The following ILDR2 variants were observed in gnomAD, a reference collection of about 807,000 sequenced individuals.
ILDR2 encodes immunoglobulin like domain containing receptor 2, also known as immunoglobulin-like domain-containing receptor 2.
ILDR2 carries 25 observed loss-of-function variants against 66.8 expected under a neutral mutation model. The observed-to-expected ratio is 0.37, with a 90% CI of 0.27 to 0.52. The LOEUF is 0.52. Among genes scored for constraint, ILDR2 ranks in the 20% least tolerant of loss-of-function variants. The probability of loss-of-function intolerance (pLI) is 0.88; values close to 1 mark genes in which losing one functional copy is unlikely to be tolerated. For missense variants in ILDR2, 827 were observed against 876.8 expected, an observed-to-expected ratio of 0.94 and a Z score of 0.72; for synonymous variants, 367 against 357.2, an observed-to-expected ratio of 1.03 and a Z score of -0.31.
At position 166,936,020 on chromosome 1, in the gene ILDR2, T is replaced by C. The variant is rs1660951114; in HGVS notation, c.704-543A>G. On this transcript the variant is annotated intron_variant, in intron 5 of 9. Coordinates refer to ENST00000271417, the MANE Select transcript of ILDR2 (RefSeq NM_199351.3). The surrounding 1 kb of genome is among the most constrained non-coding windows in gnomAD (Gnocchi z 5.0). Reference sequence around the variant, plus strand: ...ACTGGTGTGCCTCTCTCTTTCAAGATGTGTTTGGTTTATGGGAGGGGTACC... The same window carrying C: ...ACTGGTGTGCCTCTCTCTTTCAAGACGTGTTTGGTTTATGGGAGGGGTACC... Among the ~76,000 whole-genome samples the C allele has an allele frequency of 6.6e-6, 1 of 152,238 alleles. No homozygotes were observed.
Position 166,936,522 on chromosome 1 carries a change from A to C in ILDR2, c.703+69T>G. ...GAGGTGGAGGAGGAACCCAGCGCAC[A>C]CAGCTGTCAGGTAGAGAGGTAGACA... On this transcript the variant is annotated intron_variant, in intron 5 of 9. Transcript: ENST00000271417. The surrounding 1 kb of genome is among the most constrained non-coding windows in gnomAD (Gnocchi z 5.0). The C allele has an allele frequency of 1.2e-6, 2 of 1,604,932 alleles. No homozygotes were observed. Among genetic ancestry groups the C allele is most frequent in the Non-Finnish European group, 1.7e-6 (2 of 1,174,386 alleles).
intron 1 of ILDR2, among the ~76,000 whole-genome samples, chr1:166,974,700 C>CT (rs1236131549): frequency 1.3e-5 from 2 of 152,194 alleles, no homozygotes; most frequent in Admixed American, 1.3e-4. Context: ...CCTCCAGTTC[C>CT]TTGCACCCTC....
chr1:166,925,894 G>C (rs576746242), intron 7 of ILDR2, among the ~76,000 whole-genome samples: 1 of 152,142 alleles, frequency 6.6e-6, no homozygotes, highest in Non-Finnish European at 1.5e-5. Context: ...CAAATTTCCT[G>C]CACAGACTCC....
intron 3 of ILDR2, among the ~76,000 whole-genome samples, chr1:166,955,728 A>G (rs374874489): frequency 6.6e-6 from 1 of 152,206 alleles, no homozygotes; most frequent in South Asian, 2.1e-4. Context: ...AAAAATCCTA[A>G]ATAACAACTG....
chr1:166,970,022 A>G (rs1226567469), intron 1 of ILDR2, among the ~76,000 whole-genome samples: 2 of 152,252 alleles, frequency 1.3e-5, no homozygotes, highest in Non-Finnish European at 2.9e-5. Context: ...TAAATAAGTG[A>G]GAAAAACATC....
chr1:166,953,288 A>C (rs1662091352), intron 3 of ILDR2, among the ~76,000 whole-genome samples: 1 of 152,168 alleles, frequency 6.6e-6, no homozygotes, highest in Non-Finnish European at 1.5e-5. Context: ...AGATTTCTTC[A>C]CTGGTTCTCC....
chr1:166,927,118 C>T lies in ILDR2; in HGVS notation c.943G>A (p.Val315Ile). ...TCAAACTGAGCCAGCTCCTTCTCAA[C>T]ATAGTACAGGACCTTCATGGAGTCT... ...ERDSMKVLYY[V>I]EKELAQFDPA... Residue 315 changes from valine to isoleucine, a missense_variant, in exon 7 of 10, where the codon GTT becomes ATT. Transcript: ENST00000271417. 6.2e-7 allele frequency: 1 copy of T among 1,613,754 alleles called. No individual in the cohort carries two copies. Among genetic ancestry groups the T allele is most frequent in the Non-Finnish European group, 8.5e-7 (1 of 1,179,858 alleles).
intron 6 of ILDR2, among the ~76,000 whole-genome samples, chr1:166,928,882 G>A (rs1338185429): frequency 6.6e-6 from 1 of 152,192 alleles, no homozygotes; most frequent in East Asian, 1.9e-4. Context: ...CTTTCTCCCA[G>A]AGGTTAGATC....
downstream of ILDR2, among the ~76,000 whole-genome samples, chr1:166,905,152 C>T (rs1196177041): frequency 1.3e-5 from 2 of 152,126 alleles, no homozygotes; most frequent in African/African-American, 4.8e-5. Context: ...CTCAAAATCT[C>T]GTATAAATAC....
At chr1:166,966,809 A>G (rs893605106) in intron 1 of ILDR2, among the ~76,000 whole-genome samples, 2 of 152,170 alleles carry the variant, frequency 1.3e-5, no homozygotes, top group African/African-American at 4.8e-5. Flanking sequence ...TTGGTTTCCA[A>G]GTGGGTCAGA....
Position 166,957,883 on chromosome 1 carries a change from G to A in ILDR2, c.265C>T (p.Pro89Ser). ...SLSKRNLEWD[P>S]YLDCLDSRRT... ...CTGCTGTCCAAACAATCCAAGTAGG[G>A]GTCCCATTCCAGGTTTCTCTTGCTG... The change falls in exon 2 of 10, where the codon CCC becomes TCC. Residue 89 changes from proline to serine, a missense_variant. Transcript: ENST00000271417. The A allele has an allele frequency of 1.9e-6, 3 of 1,614,102 alleles. No individual in the cohort carries two copies. The highest frequency in any genetic ancestry group is 2.5e-6 in the Non-Finnish European group (3 of 1,180,002).
intron 3 of ILDR2, among the ~76,000 whole-genome samples, chr1:166,940,932 A>T (rs1208242061): frequency 6.6e-6 from 1 of 152,226 alleles, no homozygotes; most frequent in Admixed American, 6.5e-5. Context: ...CAAGTCACCC[A>T]CAGAAAAGAA....
rs755315073 is a variant in ILDR2 at position 166,939,502 on chromosome 1, A to G, written c.556+12T>C. ...GCAAATCAAGCAAATAAAGAGTTAA[A>G]TGACCGAATACCTGGCATAATCTCC... On this transcript the variant is annotated intron_variant, in intron 4 of 9. Coordinates refer to ENST00000271417, the MANE Select transcript of ILDR2 (RefSeq NM_199351.3). The G allele has an allele frequency of 1.9e-6, 3 of 1,610,836 alleles. No individual in the cohort carries two copies. Among genetic ancestry groups the G allele is most frequent in the African/African-American group, 2.7e-5 (2 of 74,890 alleles).
Position 166,910,246 on chromosome 1 carries a change from A to G in ILDR2, c.*9109T>C, listed in dbSNP as rs1439635411. 1 of 152,120 alleles carries G rather than the reference A, an allele frequency of 6.6e-6. No individual in the cohort carries two copies. The highest frequency in any genetic ancestry group is 1.9e-4 in the East Asian group (1 of 5,172). 9.4% of individuals were successfully genotyped at this position (152,120 alleles called of 1,614,324 possible). A position where few individuals can be genotyped will look rare whatever the true frequency, so the allele number is the denominator to read the frequency against. On this transcript the variant is annotated 3_prime_UTR_variant, in exon 10 of 10. Transcript: ENST00000271417. ...TAGCTTTAAATCACAAAAGGCATGC[A>G]CCTAAATCCCACTTGATCCCAAGCA...
Position 166,921,292 on chromosome 1 carries a change from G to T in ILDR2, c.1299C>A (p.Phe433Leu). The change falls in exon 9 of 10, where the codon TTC (phenylalanine) becomes TTA (leucine). Residue 433 changes from phenylalanine (F) to leucine (L), a missense_variant. Transcript: ENST00000271417. This position sits in a 1 kb window ranked among gnomAD's most constrained non-coding sequence, Gnocchi z 5.3. ...PAVSMDELAA[F>L]ADSYGQRPRR... Reference sequence around the variant, plus strand: ...GGGGCCGCTGGCCGTAGGAGTCAGCGAAGGCCGCCAGCTCGTCCATGGAAA... The same window carrying T: ...GGGGCCGCTGGCCGTAGGAGTCAGCTAAGGCCGCCAGCTCGTCCATGGAAA... 6.3e-7 allele frequency: 1 copy of T among 1,598,062 alleles called. No homozygotes were observed.
chr1:166,956,429 G>C (rs1662286178), intron 3 of ILDR2, among the ~76,000 whole-genome samples: 1 of 143,038 alleles, frequency 7.0e-6, no homozygotes, highest in African/African-American at 2.6e-5. Context: ...CATATAACAA[G>C]ACAAAGAGAG....
At chr1:166,920,206 T>C (rs1376761305) in intron 9 of ILDR2, among the ~76,000 whole-genome samples, 1 of 152,198 alleles carries the variant, frequency 6.6e-6, no homozygotes, top group Admixed American at 6.5e-5. Flanking sequence ...AGTTGTCCTT[T>C]GCAAACAGCA....
At position 166,970,846 on chromosome 1, in the gene ILDR2, C is replaced by T. The variant is rs530422335; in HGVS notation, c.46+4377G>A. Among the ~76,000 whole-genome samples, 10 of 151,896 alleles carry T rather than the reference C, an allele frequency of 6.6e-5. 1 individual carries two copies. The East Asian group carries it at 1.2e-3, about 18-fold the overall frequency. The stretch of plus-strand genomic sequence containing the variant: ...AGCTGGGAGAGCTGTGCTAAAGTGA[C>T]GAAAGAAGATGGACGAGGTACGTTC... On this transcript the variant is annotated intron_variant, in intron 1 of 9. Coordinates refer to ENST00000271417, the MANE Select transcript of ILDR2 (RefSeq NM_199351.3).
downstream of ILDR2, among the ~76,000 whole-genome samples, chr1:166,906,410 T>C (rs1659351049): frequency 6.6e-6 from 1 of 152,160 alleles, no homozygotes; most frequent in Admixed American, 6.5e-5. Context: ...ACATCCAAGC[T>C]GAATCTTAAA....
Sources: gnomAD v4.1 joint callset for allele counts (sites outside exome capture counted in the v4.1 genomes callset) on GRCh38, gnomAD v4.1.1 for gene constraint, Gnocchi (gnomAD v3.1) non-coding constraint, MANE v1.5 for transcripts, NCBI Gene and HGNC (gene_info 2026-07-23, HGNC 2026-07-21) for gene names.